Variants in LRRC23 observed in about 807,000 individuals in gnomAD.
LRRC23 encodes the protein leucine rich repeat containing 23.
A neutral mutation model predicts 37.7 loss-of-function variants in LRRC23; 28 were observed. The ratio of observed to expected loss-of-function variants is 0.74; its 90% confidence interval spans 0.55 to 1.02. LRRC23 has a LOEUF of 1.02. Ranked by LOEUF, LRRC23 falls within the 50% of genes least tolerant of loss-of-function variation. The pLI, the probability that LRRC23 is intolerant of heterozygous loss-of-function variation, is 0.00. For missense variants in LRRC23, 377 were observed against 413.2 expected, an observed-to-expected ratio of 0.91 and a Z score of 0.76; for synonymous variants, 161 against 165.4, an observed-to-expected ratio of 0.97 and a Z score of 0.20.
chr12:6,909,807 CTT>C, intron 5 of LRRC23, 81 bp from the exon 6 acceptor site: 3 of 1,360,668 alleles, frequency 2.2e-6, no homozygotes, highest in Non-Finnish European at 3.1e-6. Flanking sequence ...TGGATTTCCT[CTT>C]TTGCTTTATC....
chr12:6,907,924 G>A lies in LRRC23; in HGVS notation c.621+479G>A, dbSNP rs184770961. Among the ~76,000 whole-genome samples the A allele has an allele frequency of 1.6e-3, 251 of 152,152 alleles. 1 individual carries two copies. The highest frequency in any genetic ancestry group is 2.7e-3 in the Non-Finnish European group (187 of 68,002). On this transcript the variant is annotated intron_variant, in intron 5 of 7. Coordinates refer to ENST00000443597, the MANE Select transcript of LRRC23 (RefSeq NM_001135217.2). ...ATCAAATCCCACAGATTGAGGGCTC[G>A]GTTCCCAAGAGTGACCCCTACACCG...
intron 5 of LRRC23, among the ~76,000 whole-genome samples, chr12:6,909,104 TATATAATTAC>T (rs1565553425): frequency 1.2e-4 from 4 of 33,752 alleles, no homozygotes; most frequent in Admixed American, 5.4e-4. Flanking sequence ...TTATATATAA[TATATAATTAC>T]ATATAATATA....
rs781784897 is a variant in LRRC23 at position 6,905,797 on chromosome 12, G to C, written c.126+38G>C. ...ACAAGGAGGGGTCCTAGGGCTGAAG[G>C]AGGGGGTTGGGCAGGGGAGAGACAC... On this transcript the variant is annotated intron_variant, in intron 2 of 7. Transcript: ENST00000443597. 6.2e-6 allele frequency: 10 copies of C among 1,610,570 alleles called. No individual in the cohort carries two copies. In the African/African-American group the frequency reaches 1.2e-4, roughly 19 times the overall value.
Position 6,906,072 on chromosome 12 carries a change from G to A in LRRC23, c.236+118G>A. The A allele has an allele frequency of 8.9e-6, 8 of 899,386 alleles. No homozygotes were observed. The South Asian group carries it at 1.2e-4, about 13-fold the overall frequency. The allele number at this position is 899,386 out of a possible 1,614,324, so 55.7% of individuals were successfully genotyped here. On this transcript the variant is annotated intron_variant, in intron 3 of 7. Transcript: ENST00000443597. The stretch of plus-strand genomic sequence containing the variant: ...TGACTCTTCTCATGCCTAGTGGAAA[G>A]GGAAGGACAGAATTTACTTTTCAGG...
intron 6 of LRRC23, 126 bp from the exon 7 acceptor site, chr12:6,912,595 AAGGCTTGGC>A: frequency 1.3e-6 from 1 of 797,578 alleles, no homozygotes; most frequent in Non-Finnish European, 2.0e-6. Context: ...TAAATCTGGC[AAGGCTTGGC>A]AGGCCAGTCC....
At chr12:6,908,620 A>AC (rs1565552982) in intron 5 of LRRC23, among the ~76,000 whole-genome samples, 3 of 65,686 alleles carry the variant, frequency 4.6e-5, no homozygotes, top group Non-Finnish European at 8.7e-5. Context: ...AAAAAAAAAA[A>AC]CCAAAGAAAA....
Position 6,912,901 on chromosome 12 carries a change from G to A in LRRC23, c.930G>A (p.Glu310=). 1 of 1,614,122 alleles carries A rather than the reference G, an allele frequency of 6.2e-7. No individual in the cohort carries two copies. Among genetic ancestry groups the A allele is most frequent in the Non-Finnish European group, 8.5e-7 (1 of 1,180,030 alleles). ...ERLDKEFYEE[E]ERAEADVIRQ... ...TGGACAAGGAATTCTATGAGGAGGA[G>A]GAACGGGCTGAGGCTGATGTGATTC... Residue 310 remains glutamate, a synonymous_variant, in exon 7 of 8, where the codon GAG becomes GAA. Coordinates refer to ENST00000443597, the MANE Select transcript of LRRC23 (RefSeq NM_001135217.2).
chr12:6,905,370 A>C, intron 1 of LRRC23: 1 of 341,368 alleles, frequency 2.9e-6, no homozygotes, highest in Non-Finnish European at 5.6e-6. Context: ...GAAGGACAGG[A>C]AAGGCCTGGG....
chr12:6,909,026 A>ATATATAT (rs782200561), intron 5 of LRRC23, among the ~76,000 whole-genome samples: 1,156 of 95,420 alleles, frequency 0.012, 71 homozygotes, highest in African/African-American at 0.048. Context: ...GAAAACCGAT[A>ATATATAT]TATATATTAT....
At chr12:6,909,387 A>AG (rs1945092652) in intron 5 of LRRC23, among the ~76,000 whole-genome samples, 1 of 49,682 alleles carries the variant, frequency 2.0e-5, no homozygotes, top group Non-Finnish European at 3.0e-5. Context: ...TTTATATAAT[A>AG]TATAAATATT....
chr12:6,914,116 A>G lies in LRRC23; in HGVS notation c.*250A>G, dbSNP rs782168629. 6.6e-7 allele frequency: 1 copy of G among 1,504,704 alleles called. No homozygotes were observed. The highest frequency in any genetic ancestry group is 2.2e-5 in the Admixed American group (1 of 44,800). 93.2% of individuals were successfully genotyped at this position (1,504,704 alleles called of 1,614,324 possible). ...CCTAGGCCGGGGGCCGCCCTCGGGC[A>G]GGCGTGGGTGAGAGCCAAGACCGCG... On this transcript the variant is annotated 3_prime_UTR_variant, in exon 8 of 8. Transcript: ENST00000443597. This position sits in a 1 kb window ranked among gnomAD's most constrained non-coding sequence, Gnocchi z 7.1.
Position 6,913,926 on chromosome 12 carries a change from C to T in LRRC23, c.*60C>T, listed in dbSNP as rs781838704. The T allele has an allele frequency of 5.0e-6, 8 of 1,609,318 alleles. No homozygotes were observed. In the African/African-American group the frequency reaches 5.4e-5, roughly 11 times the overall value. ...ACGCTGGCCTTCAGACCTGATCAGA[C>T]TCCCAGGGGCAGCCACCACATGTAT... is the stretch of plus-strand genomic sequence containing the variant. On this transcript the variant is annotated 3_prime_UTR_variant, in exon 8 of 8. Transcript: ENST00000443597.
At chr12:6,909,255 A>C (rs868982215) in intron 5 of LRRC23, among the ~76,000 whole-genome samples, 3 of 12,928 alleles carry the variant, frequency 2.3e-4, no homozygotes, top group Non-Finnish European at 3.0e-4. Flanking sequence ...TATATTATAT[A>C]TAATTATATA....
At position 6,905,525 on chromosome 12, in the gene LRRC23, G is replaced by A. The variant is rs781894982; in HGVS notation, c.-49-60G>A. On this transcript the variant is annotated intron_variant, in intron 1 of 7. Coordinates refer to ENST00000443597, the MANE Select transcript of LRRC23 (RefSeq NM_001135217.2). Reference sequence around the variant, plus strand: ...GTCATGGGGGTGATGGGAGTGGCACGTGTCAATGACGATGAAGGAGCTGAA... The same window carrying A: ...GTCATGGGGGTGATGGGAGTGGCACATGTCAATGACGATGAAGGAGCTGAA... The A allele has an allele frequency of 2.7e-4, 282 of 1,059,846 alleles. 2 individuals carry two copies. The East Asian group carries it at 6.7e-3, about 25-fold the overall frequency. 65.7% of individuals were successfully genotyped at this position (1,059,846 alleles called of 1,614,324 possible).
At chr12:6,913,850 A>T in intron 7 of LRRC23, 41 bp from the exon 8 acceptor site, 1 of 1,471,864 alleles carries the variant, frequency 6.8e-7, no homozygotes, top group Non-Finnish European at 9.1e-7. Context: ...GGGGTGAGCC[A>T]CAGCGCCTGG....
chr12:6,905,441 G>A, intron 1 of LRRC23, 144 bp from the exon 2 acceptor site: 1 of 534,316 alleles, frequency 1.9e-6, no homozygotes. Flanking sequence ...TGGGAGTTGA[G>A]AATCAAAATG....
In LRRC23 at chr12:6,907,462, G is replaced by C; in HGVS notation, c.621+17G>C. The stretch of plus-strand genomic sequence containing the variant: ...CTCTACCTGGTAGCTCACTGGGTCA[G>C]AGGGTGGTGCAGGGAAGAGGGCACT... On this transcript the variant is annotated intron_variant, in intron 5 of 7. Transcript: ENST00000443597. 6.2e-7 allele frequency: 1 copy of C among 1,614,050 alleles called. No homozygotes were observed. Among genetic ancestry groups the C allele is most frequent in the Non-Finnish European group, 8.5e-7 (1 of 1,179,964 alleles).
chr12:6,906,407 A>G lies in LRRC23; in HGVS notation c.237-2A>G. 3 of 1,613,180 alleles carry G rather than the reference A, an allele frequency of 1.9e-6. No homozygotes were observed. The highest frequency in any genetic ancestry group is 2.5e-6 in the Non-Finnish European group (3 of 1,179,744). Reference sequence around the variant, plus strand: ...GTTTCTTCTCCCTCTTCCATCTCCTAGGGACCTGACAGACATCTACTTGCT... The same window carrying G: ...GTTTCTTCTCCCTCTTCCATCTCCTGGGGACCTGACAGACATCTACTTGCT... On this transcript the variant is annotated splice_acceptor_variant, in intron 3 of 7. Coordinates refer to ENST00000443597, the MANE Select transcript of LRRC23 (RefSeq NM_001135217.2). LOFTEE classifies it high-confidence loss of function.
chr12:6,905,667 C>T lies in LRRC23; in HGVS notation c.34C>T (p.Pro12Ser), dbSNP rs782643273. ...TGAAGATGATCTAGAAGACTCTGAG[C>T]CAGACCAGGATGATTCTGAGAAAGA... ...SDEDDLEDSE[P>S]DQDDSEKEED... Residue 12 changes from proline (P) to serine (S), a missense_variant, in exon 2 of 8, where the codon CCA becomes TCA. Pro to Ser is a moderately conservative substitution (Grantham distance 74). Transcript: ENST00000443597. 2 of 1,613,376 alleles carry T rather than the reference C, an allele frequency of 1.2e-6. No homozygotes were observed. Among genetic ancestry groups the T allele is most frequent in the Non-Finnish European group, 1.7e-6 (2 of 1,179,832 alleles).
Sources: allele counts gnomAD v4.1 joint callset (sites outside exome capture counted in the v4.1 genomes callset), GRCh38; gene constraint gnomAD v4.1.1; non-coding constraint Gnocchi (gnomAD v3.1); transcripts MANE v1.5; gene names NCBI Gene and HGNC (gene_info 2026-07-23, HGNC 2026-07-21).